SRBD1: variants seen among roughly 807,000 people sequenced by gnomAD.
SRBD1 encodes the protein S1 RNA-binding domain-containing protein 1.
In SRBD1, 88 loss-of-function variants were observed where a neutral mutation model predicts 115.3. That is an observed-to-expected ratio of 0.76 (90% CI 0.64 to 0.91). The LOEUF (loss-of-function observed/expected upper bound fraction) is 0.91, where lower values mean the gene tolerates loss of function less well. Among genes scored for constraint, SRBD1 ranks in the 40% least tolerant of loss-of-function variants. SRBD1 has a pLI of 0.00. For synonymous variants in SRBD1, 509 were observed against 407.7 expected (o/e 1.25, Z -2.99); for missense variants, 1,385 against 1,177.4 (o/e 1.18, Z -2.58).
intron 14 of SRBD1, among the ~76,000 whole-genome samples, chr2:45,489,883 G>A (rs923747533): frequency 6.6e-5 from 10 of 152,036 alleles, no homozygotes; most frequent in African/African-American, 1.9e-4. Flanking sequence ...AACAACCAAC[G>A]CAACATATTT....
intron 18 of SRBD1, among the ~76,000 whole-genome samples, chr2:45,415,682 G>GGAGA (rs1558564920): frequency 1.3e-4 from 1 of 7,776 alleles, no homozygotes. Context: ...GGGAGGGGAG[G>GGAGA]GGACGGGAGA....
intron 14 of SRBD1, among the ~76,000 whole-genome samples, chr2:45,545,405 T>C (rs1672085408): frequency 6.6e-6 from 1 of 150,536 alleles, no homozygotes; most frequent in African/African-American, 2.4e-5. Flanking sequence ...GGATATTCTA[T>C]AAGCAAATGA....
In SRBD1 at chr2:45,581,826, T is replaced by A; in HGVS notation, c.816-16A>T. 6.8e-7 allele frequency: 1 copy of A among 1,469,368 alleles called. No homozygotes were observed. The highest frequency in any genetic ancestry group is 2.2e-5 in the East Asian group (1 of 44,542). 91.0% of individuals were successfully genotyped at this position (1,469,368 alleles called of 1,614,324 possible). ...TGCAACAGCCCTGAAAAGAGAAACT[T>A]TTGTAATATACCAAAACTGTATGTC... On this transcript the variant is annotated splice_polypyrimidine_tract_variant and intron_variant, in intron 5 of 20. Coordinates refer to ENST00000263736, the MANE Select transcript of SRBD1 (RefSeq NM_018079.5).
At chr2:45,428,421 A>G (rs1159851626) in intron 16 of SRBD1, among the ~76,000 whole-genome samples, 1 of 152,014 alleles carries the variant, frequency 6.6e-6, no homozygotes, top group Non-Finnish European at 1.5e-5. Flanking sequence ...CGTGGTGGCA[A>G]GCGCCTGTAG....
In SRBD1 at chr2:45,551,116, AC is replaced by A. The variant is rs1303812858; in HGVS notation, c.1675+8del. 6.3e-7 allele frequency: 1 copy of A among 1,580,668 alleles called. No homozygotes were observed. Among genetic ancestry groups the A allele is most frequent in the Non-Finnish European group, 8.6e-7 (1 of 1,169,382 alleles). On this transcript the variant is annotated splice_region_variant and intron_variant, in intron 12 of 20. Transcript: ENST00000263736. ...CAACTTTTACATGGAAAATTGCAAG[AC>A]AACTTACTAGTAGGAGAAATTATAG...
chr2:45,585,622 G>C lies in SRBD1; in HGVS notation c.801C>G (p.Thr267=), dbSNP rs1313445176. The C allele has an allele frequency of 2.5e-6, 4 of 1,610,132 alleles. No homozygotes were observed. In the African/African-American group the frequency reaches 5.4e-5, roughly 22 times the overall value. The change falls in exon 5 of 21, where the codon ACC becomes ACG. Residue 267 remains threonine, a synonymous_variant. Transcript: ENST00000263736. The part of the protein sequence containing the change: ...DADSLREVQQ[T]LEELRAVAKK... ...AGGTTTCTTACCGTAGCTCTTCTAG[G>C]GTTTGCTGAACTTCTCTCAAGGAAT...
At chr2:45,523,782 T>A (rs1457224370) in intron 14 of SRBD1, among the ~76,000 whole-genome samples, 1 of 151,670 alleles carries the variant, frequency 6.6e-6, no homozygotes, top group Admixed American at 6.6e-5. Flanking sequence ...ATTCACAAAC[T>A]CTTCCAAAAA....
At chr2:45,390,112 T>C (rs997578331) in intron 20 of SRBD1, among the ~76,000 whole-genome samples, 2 of 152,190 alleles carry the variant, frequency 1.3e-5, no homozygotes, top group African/African-American at 2.4e-5. Flanking sequence ...TTCCCACAAA[T>C]TTGGAACTCA....
In SRBD1 at chr2:45,599,768, G is replaced by A. The variant is rs762335376; in HGVS notation, c.329C>T (p.Thr110Ile). 7.4e-6 allele frequency: 12 copies of A among 1,614,158 alleles called. No homozygotes were observed. In the Admixed American group the frequency reaches 1.8e-4, roughly 25 times the overall value. ...CTGTTTTGTCTTGGCTGTTTTCAGA[G>A]TCTGTACAGTATCCAATTTATTTTT... The part of the protein sequence containing the change: ...DRKNKLDTVQ[T>I]LKTAKTKQKC... Residue 110 changes from threonine (T) to isoleucine (I), a missense_variant, in exon 4 of 21, where the codon ACT becomes ATT. Thr to Ile is a moderately conservative substitution (Grantham distance 89, BLOSUM62 -1). Coordinates refer to ENST00000263736, the MANE Select transcript of SRBD1 (RefSeq NM_018079.5).
At chr2:45,496,978 A>G (rs1258882728) in intron 14 of SRBD1, among the ~76,000 whole-genome samples, 1 of 152,222 alleles carries the variant, frequency 6.6e-6, no homozygotes, top group Non-Finnish European at 1.5e-5. Flanking sequence ...TAGTTTTTAA[A>G]GTACACTGAA....
rs1179462498 is a variant in SRBD1 at position 45,416,952 on chromosome 2, T to C, written c.2333+1413A>G. On this transcript the variant is annotated intron_variant, in intron 18 of 20. Coordinates refer to ENST00000263736, the MANE Select transcript of SRBD1 (RefSeq NM_018079.5). ...CACCACCATGCTCAGCTAATTTTTG[T>C]ATTTTTAGTAGAGACGGGGTTTCAC... 2.0e-5 allele frequency among the ~76,000 whole-genome samples: 3 copies of C among 152,218 alleles called. No individual in the cohort carries two copies. The South Asian group carries it at 6.2e-4, about 32-fold the overall frequency.
chr2:45,515,963 A>G (rs949524215), intron 14 of SRBD1, among the ~76,000 whole-genome samples: 5 of 152,146 alleles, frequency 3.3e-5, no homozygotes, highest in African/African-American at 4.8e-5. Context: ...ATCCCTAGAT[A>G]TAACTACTTC....
In SRBD1 at chr2:45,549,892, A is replaced by G. The variant is rs536954917; in HGVS notation, c.1675+1233T>C. Among the ~76,000 whole-genome samples, 72 of 152,150 alleles carry G rather than the reference A, an allele frequency of 4.7e-4. 1 individual carries two copies. The highest frequency in any genetic ancestry group is 1.7e-3 in the African/African-American group (71 of 41,538). On this transcript the variant is annotated intron_variant, in intron 12 of 20. Coordinates refer to ENST00000263736, the MANE Select transcript of SRBD1 (RefSeq NM_018079.5). ...AAAGTTAAATAAATAAAAGAATAAC[A>G]TAAGTCAAAATTAGAAAATCTCAGA...
intron 14 of SRBD1, among the ~76,000 whole-genome samples, chr2:45,514,413 CA>C (rs1043638485): frequency 4.2e-5 from 6 of 144,578 alleles, no homozygotes; most frequent in Non-Finnish European, 3.0e-5. Flanking sequence ...GTATGAACCT[CA>C]AAAAAAATAT....
chr2:45,505,207 T>C (rs922665585), intron 14 of SRBD1, among the ~76,000 whole-genome samples: 1 of 152,174 alleles, frequency 6.6e-6, no homozygotes, highest in Non-Finnish European at 1.5e-5. Context: ...CTGAAAATCT[T>C]GACATTTTTC....
intron 14 of SRBD1, among the ~76,000 whole-genome samples, chr2:45,521,321 AC>A: frequency 6.6e-6 from 1 of 151,452 alleles, no homozygotes. Context: ...ACACACACAA[AC>A]CAAACTCGAA....
chr2:45,523,078 T>C (rs1258999744), intron 14 of SRBD1, among the ~76,000 whole-genome samples: 7 of 151,922 alleles, frequency 4.6e-5, no homozygotes, highest in Non-Finnish European at 7.4e-5. Context: ...TGAAACAGAA[T>C]AATTAATGAG....
In SRBD1 at chr2:45,399,559, G is replaced by GGTA. The variant is rs540820311; in HGVS notation, c.2514-6433_2514-6431dup. ...GACTTGCCCACACCTGACAACATAA[G>GGTA]GTAGTAGTAGTGAAGGTAAAAGTTA... is the stretch of plus-strand genomic sequence containing the variant. On this transcript the variant is annotated intron_variant, in intron 19 of 20. Transcript: ENST00000263736. Among the ~76,000 whole-genome samples the GGTA allele has an allele frequency of 5.3e-5, 8 of 152,142 alleles. No individual in the cohort carries two copies. The South Asian group carries it at 1.7e-3, about 32-fold the overall frequency.
At chr2:45,489,605 A>T (rs757659721) in intron 14 of SRBD1, among the ~76,000 whole-genome samples, 68 of 152,292 alleles carry the variant, frequency 4.5e-4, no homozygotes, top group Middle Eastern at 3.4e-3. Context: ...GTTTTTCATC[A>T]TCACCATCAT....
Sources: gnomAD v4.1 joint callset for allele counts (sites outside exome capture counted in the v4.1 genomes callset) on GRCh38, gnomAD v4.1.1 for gene constraint, MANE v1.5 for transcripts, NCBI Gene and HGNC (gene_info 2026-07-23, HGNC 2026-07-21) for gene names.